Variants in HAPLN2 observed in about 807,000 individuals in gnomAD.
HAPLN2 encodes brain link protein-1.
Under a neutral mutation model 29.3 loss-of-function variants are expected in HAPLN2, and 27 were observed. The observed-to-expected ratio is 0.92, with a 90% confidence interval of 0.68 to 1.27. The LOEUF (loss-of-function observed/expected upper bound fraction) is 1.27. Among genes scored for constraint, HAPLN2 ranks in the 50% most tolerant of loss-of-function variants. HAPLN2 has a pLI of 0.00. For synonymous variants in HAPLN2, 208 were observed against 211.7 expected, an observed-to-expected ratio of 0.98 and a Z score of 0.15; for missense variants, 454 against 484.3, an observed-to-expected ratio of 0.94 and a Z score of 0.59.
the HAPLN2 span, among the ~76,000 whole-genome samples, chr1:156,608,896 C>T: frequency 2.8e-3 from 423 of 152,138 alleles, 5 homozygotes; most frequent in African/African-American, 9.7e-3. Context: ...GTTTTTCATA[C>T]GACATATTTC....
upstream of HAPLN2, among the ~76,000 whole-genome samples, chr1:156,618,387 G>C (rs549654941): frequency 7.9e-5 from 12 of 151,884 alleles, no homozygotes; most frequent in South Asian, 1.5e-3. Flanking sequence ...GGCTAAGGGG[G>C]AAGATCTCTT....
upstream of HAPLN2, among the ~76,000 whole-genome samples, chr1:156,617,361 T>TTC (rs1678083971): frequency 6.7e-6 from 1 of 150,120 alleles, no homozygotes; most frequent in African/African-American, 2.4e-5. Flanking sequence ...CTTTTTTTTT[T>TTC]TTTTTTTGAG....
At chr1:156,623,119 G>C (rs1388616516) in intron 2 of HAPLN2, among the ~76,000 whole-genome samples, 1 of 151,752 alleles carries the variant, frequency 6.6e-6, no homozygotes, top group African/African-American at 2.4e-5. Flanking sequence ...TTTTGACTCT[G>C]GCTTCAAGAT....
upstream of HAPLN2, among the ~76,000 whole-genome samples, chr1:156,619,053 G>A (rs1488512984): frequency 6.6e-6 from 1 of 151,964 alleles, no homozygotes; most frequent in Non-Finnish European, 1.5e-5. Context: ...CACTCCCTCT[G>A]CCCTCATGGA....
chr1:156,618,554 C>T (rs1447133246), upstream of HAPLN2, among the ~76,000 whole-genome samples: 6 of 151,724 alleles, frequency 4.0e-5, no homozygotes, highest in African/African-American at 1.2e-4. Context: ...CCGAGGCAGG[C>T]GGATCACCAG....
the HAPLN2 span, among the ~76,000 whole-genome samples, chr1:156,609,520 AT>A: frequency 6.6e-6 from 1 of 152,186 alleles, no homozygotes; most frequent in Non-Finnish European, 1.5e-5. Context: ...TAGTCTTCCA[AT>A]TAAAAAATTA....
chr1:156,625,303 C>T lies in HAPLN2; in HGVS notation c.942C>T (p.Leu314=). The T allele has an allele frequency of 3.8e-6, 6 of 1,583,352 alleles. No homozygotes were observed. The highest frequency in any genetic ancestry group is 4.3e-6 in the Non-Finnish European group (5 of 1,165,822). The part of the protein sequence containing the change: ...ITTPRPRCGG[L]PDPGVRSFGF... ...CGCCGAGGCCGCGCTGCGGGGGGCT[C>T]CCGGATCCCGGAGTGCGCAGTTTCG... The change falls in exon 7 of 7, where the codon CTC becomes CTT. Residue 314 remains leucine, a synonymous_variant. Transcript: ENST00000255039. The surrounding 1 kb of genome is among the most constrained non-coding windows in gnomAD (Gnocchi z 5.7).
At chr1:156,609,262 C>T in the HAPLN2 span, among the ~76,000 whole-genome samples, 1 of 152,226 alleles carries the variant, frequency 6.6e-6, no homozygotes, top group Non-Finnish European at 1.5e-5. Context: ...ATACAGCCTT[C>T]CTGCCCCACC....
the HAPLN2 span, among the ~76,000 whole-genome samples, chr1:156,605,666 G>C: frequency 1.2e-4 from 17 of 145,308 alleles, no homozygotes; most frequent in Non-Finnish European, 2.4e-4. Context: ...AAGGAAGAAA[G>C]TTGTAGGACT....
the HAPLN2 span, chr1:156,601,622 T>C: frequency 1.5e-6 from 1 of 661,096 alleles, no homozygotes; most frequent in Non-Finnish European, 2.6e-6. Flanking sequence ...GTGCCCATTT[T>C]CGGAGGTTCC....
rs1298785992 is a variant in HAPLN2, at chr1:156,625,368, G to A, written c.1007G>A (p.Cys336Tyr). The A allele has an allele frequency of 1.3e-6, 2 of 1,593,082 alleles. No individual in the cohort carries two copies. The highest frequency in any genetic ancestry group is 2.2e-5 in the South Asian group (2 of 88,902). The change falls in exon 7 of 7, where the codon TGC (cysteine) becomes TAC (tyrosine). Residue 336 changes from cysteine to tyrosine, a missense_variant. Cys to Tyr is a radical substitution (Grantham distance 194, BLOSUM62 -2). This residue lies in a region of HAPLN2 where 235 missense variants were observed against 236.9 expected (regional missense o/e 0.99). Coordinates refer to ENST00000255039, the MANE Select transcript of HAPLN2 (RefSeq NM_021817.3). The surrounding 1 kb of genome is among the most constrained non-coding windows in gnomAD (Gnocchi z 5.7). ...CAACAGGCAGCCTATGGGACCTACT[G>A]CTACGCCGAGAATTAGGCGCCCACC... ...RPQQAAYGTY[C>Y]YAEN
intron 6 of HAPLN2, 129 bp downstream of exon 6, chr1:156,624,912 C>CCCCCCCCCCCCCCCCCCCCCA: frequency 5.9e-6 from 3 of 506,900 alleles, no homozygotes; most frequent in South Asian, 2.1e-5. Context: ...CCCATCAGCC[C>CCCCCCCCCCCCCCCCCCCCCA]GCCCGCCCGC....
chr1:156,623,179 C>T (rs761371937), intron 2 of HAPLN2, among the ~76,000 whole-genome samples: 1 of 151,950 alleles, frequency 6.6e-6, no homozygotes, highest in African/African-American at 2.4e-5. Context: ...GTCCAGATGG[C>T]AAGCTTGGGA....
chr1:156,607,745 C>T, the HAPLN2 span, among the ~76,000 whole-genome samples: 3 of 152,152 alleles, frequency 2.0e-5, no homozygotes, highest in South Asian at 4.1e-4. Flanking sequence ...CAGCATCTCC[C>T]CATGATTCAT....
chr1:156,608,290 T>A, the HAPLN2 span, among the ~76,000 whole-genome samples: 1 of 152,104 alleles, frequency 6.6e-6, no homozygotes, highest in South Asian at 2.1e-4. Context: ...GAACACTTAT[T>A]TCTATTTAAA....
At chr1:156,618,686 G>A (rs559267035), upstream of HAPLN2, among the ~76,000 whole-genome samples, 77 of 142,960 alleles carry the variant, frequency 5.4e-4, no homozygotes, top group African/African-American at 1.9e-3. Flanking sequence ...GGCTGAGGCA[G>A]AAGAATGGCA....
At chr1:156,605,680 A>G in the HAPLN2 span, among the ~76,000 whole-genome samples, 1,413 of 152,014 alleles carry the variant, frequency 9.3e-3, 6 homozygotes, top group Non-Finnish European at 0.014. Context: ...TAGGACTTAC[A>G]CTTCCTGATT....
chr1:156,619,710 G>T (rs1432138537), intron 1 of HAPLN2, among the ~76,000 whole-genome samples, 175 bp downstream of exon 1: 1 of 152,118 alleles, frequency 6.6e-6, no homozygotes, highest in Non-Finnish European at 1.5e-5. Context: ...ACACCTCTCT[G>T]GTTCAAAGGC....
At chr1:156,622,496 CA>C (rs2102528884) in intron 2 of HAPLN2, among the ~76,000 whole-genome samples, 1 of 151,514 alleles carries the variant, frequency 6.6e-6, no homozygotes, top group East Asian at 1.9e-4. Context: ...CAGTGCACTA[CA>C]GTGTGGCAAA....
Sources: gnomAD v4.1 joint callset for allele counts (sites outside exome capture counted in the v4.1 genomes callset) on GRCh38, gnomAD v4.1.1 for gene constraint, gnomAD v4.1.1 regional missense constraint, Gnocchi (gnomAD v3.1) non-coding constraint, MANE v1.5 for transcripts, NCBI Gene and HGNC (gene_info 2026-07-23, HGNC 2026-07-21) for gene names.